The following C2CD5 variants were observed in gnomAD, a reference collection of about 807,000 sequenced individuals.
The protein encoded by C2CD5 is C2 calcium dependent domain containing 5, also known as C2 domain-containing protein 5.
In C2CD5, 109 loss-of-function variants were observed where a neutral mutation model predicts 130.3. The ratio of observed to expected loss-of-function variants is 0.84; its 90% confidence interval spans 0.72 to 0.98. The LOEUF is 0.98. Ranked by LOEUF, C2CD5 falls within the 50% of genes least tolerant of loss-of-function variation. The pLI, the probability that C2CD5 is intolerant of heterozygous loss-of-function variation, is 0.00. For missense variants in C2CD5, 996 were observed against 1,261.8 expected, an observed-to-expected ratio of 0.79 and a Z score of 3.19; for synonymous variants, 454 against 429.2, an observed-to-expected ratio of 1.06 and a Z score of -0.71.
intron 8 of C2CD5, among the ~76,000 whole-genome samples, chr12:22,516,602 G>C (rs1367991262): frequency 6.7e-6 from 1 of 149,394 alleles, no homozygotes; most frequent in Non-Finnish European, 1.5e-5. Context: ...AAAGACCAAG[G>C]AAATGCTTTC....
intron 15 of C2CD5, 76 bp downstream of exon 15, chr12:22,478,237 T>G (rs1944162724): frequency 8.2e-7 from 1 of 1,225,330 alleles, no homozygotes; most frequent in African/African-American, 1.5e-5. Flanking sequence ...AAATCTTGTG[T>G]CCTCAATAAG....
At chr12:22,472,874 C>T (rs1943261813) in intron 16 of C2CD5, 67 bp from the exon 17 acceptor site, 1 of 905,814 alleles carries the variant, frequency 1.1e-6, no homozygotes, top group Non-Finnish European at 1.8e-6. Flanking sequence ...TTTAAAAGAA[C>T]TATTAATAGA....
intron 10 of C2CD5, among the ~76,000 whole-genome samples, chr12:22,499,132 A>G (rs2136579816): frequency 6.6e-6 from 1 of 152,310 alleles, no homozygotes; most frequent in Non-Finnish European, 1.5e-5. Flanking sequence ...TCCCATCTCA[A>G]CACTCAAATA....
chr12:22,486,925 G>A (rs912851311), intron 12 of C2CD5, among the ~76,000 whole-genome samples: 3 of 152,078 alleles, frequency 2.0e-5, no homozygotes, highest in African/African-American at 7.2e-5. Flanking sequence ...TCTGATTTTT[G>A]ACAAACCTGA....
In C2CD5 at chr12:22,514,280, T is replaced by C. The variant is rs544607820; in HGVS notation, c.953-901A>G. On this transcript the variant is annotated intron_variant, in intron 8 of 26. Transcript: ENST00000446597. ...ACTTAAAAAGGAACTAATTAACTTT[T>C]ACATTTTTAGCTGTTCTTGGATAAG... is the stretch of plus-strand genomic sequence containing the variant. Among the ~76,000 whole-genome samples, 8 of 152,296 alleles carry C rather than the reference T, an allele frequency of 5.3e-5. No homozygotes were observed. The East Asian group carries it at 1.2e-3, about 22-fold the overall frequency.
intron 9 of C2CD5, among the ~76,000 whole-genome samples, chr12:22,507,895 T>C (rs1322815909): frequency 6.6e-6 from 1 of 152,222 alleles, no homozygotes; most frequent in East Asian, 1.9e-4. Flanking sequence ...ATCATATTCA[T>C]ACTATATTAT....
At position 22,472,039 on chromosome 12, in the gene C2CD5, T is replaced by C; in HGVS notation, c.2196A>G (p.Arg732=). ...GATTAGTCAGGTTGAGGCTGCTTAATCTGATTACTCTTACTGAAGTGAACA... is the reference window on the plus strand; with the variant it reads ...GATTAGTCAGGTTGAGGCTGCTTAACCTGATTACTCTTACTGAAGTGAACA... The part of the protein sequence containing the change: ...IQMFTSVRVI[R]LSSLNLTNQA... Residue 732 remains arginine (R), a synonymous_variant, in exon 19 of 27, where the codon AGA becomes AGG. Coordinates refer to ENST00000446597, the MANE Select transcript of C2CD5 (RefSeq NM_001286176.2). The C allele has an allele frequency of 6.3e-7, 1 of 1,592,602 alleles. No individual in the cohort carries two copies. Among genetic ancestry groups the C allele is most frequent in the Non-Finnish European group, 8.6e-7 (1 of 1,164,090 alleles).
chr12:22,523,365 G>GA, intron 7 of C2CD5, 61 bp downstream of exon 7: 1 of 1,349,764 alleles, frequency 7.4e-7, no homozygotes, highest in African/African-American at 1.5e-5. Context: ...CAAATCAAAT[G>GA]AAAAAGCATA....
chr12:22,544,157 G>C lies in C2CD5; in HGVS notation c.-7C>G, dbSNP rs1236619639. On this transcript the variant is annotated 5_prime_UTR_variant, in exon 2 of 27. Transcript: ENST00000446597. ...CCTTCAGCTTCCCTGGCATGGTCTC[G>C]GTTTCGGCCTCTTCTTGGGCTCCTG... The C allele has an allele frequency of 1.9e-6, 3 of 1,613,802 alleles. No homozygotes were observed. The highest frequency in any genetic ancestry group is 2.5e-6 in the Non-Finnish European group (3 of 1,179,836).
chr12:22,450,872 G>A (rs965393570), intron 26 of C2CD5, among the ~76,000 whole-genome samples: 5 of 152,022 alleles, frequency 3.3e-5, no homozygotes, highest in African/African-American at 1.2e-4. Flanking sequence ...AGTGTTATGT[G>A]GTTGTAACAA....
chr12:22,490,813 A>G (rs1946244482), intron 11 of C2CD5, among the ~76,000 whole-genome samples: 2 of 152,162 alleles, frequency 1.3e-5, no homozygotes, highest in South Asian at 2.1e-4. Flanking sequence ...GAAAGCTAAA[A>G]AATTAAACAA....
chr12:22,516,591 GA>G (rs1165632568), intron 8 of C2CD5, among the ~76,000 whole-genome samples: 1 of 149,642 alleles, frequency 6.7e-6, no homozygotes, highest in Non-Finnish European at 1.5e-5. Flanking sequence ...ACAAGAAACA[GA>G]AAGACCAAGG....
chr12:22,502,836 T>C (rs781175322), intron 10 of C2CD5: 1 of 1,287,474 alleles, frequency 7.8e-7, no homozygotes, highest in South Asian at 1.3e-5. Context: ...AGTAGATCAG[T>C]TTTAGGTGCA....
chr12:22,466,479 T>A (rs1252263369), intron 22 of C2CD5, among the ~76,000 whole-genome samples: 1 of 152,172 alleles, frequency 6.6e-6, no homozygotes, highest in African/African-American at 2.4e-5. Context: ...TCTTCCTATT[T>A]CCGCTAAATT....
chr12:22,509,621 C>T (rs561919900), intron 9 of C2CD5, among the ~76,000 whole-genome samples: 1 of 152,350 alleles, frequency 6.6e-6, no homozygotes, highest in South Asian at 2.1e-4. Context: ...AGAAGAGCTA[C>T]TGCTGAAATC....
chr12:22,515,196 T>C, intron 8 of C2CD5: 6 of 885,994 alleles, frequency 6.8e-6, no homozygotes, highest in Non-Finnish European at 8.1e-6. Context: ...CAGAAGATGA[T>C]CAGAAAATGC....
intron 2 of C2CD5, among the ~76,000 whole-genome samples, chr12:22,537,449 T>C (rs1444757542): frequency 1.3e-5 from 2 of 152,124 alleles, no homozygotes; most frequent in Non-Finnish European, 2.9e-5. Flanking sequence ...GGAGTGTGTA[T>C]TTTGCCAACA....
At chr12:22,536,095 A>C (rs938362541) in intron 2 of C2CD5, among the ~76,000 whole-genome samples, 2 of 151,988 alleles carry the variant, frequency 1.3e-5, no homozygotes, top group African/African-American at 4.8e-5. Flanking sequence ...GTAAGGAACA[A>C]CTTCCAAGAT....
intron 26 of C2CD5, 74 bp from the exon 27 acceptor site, chr12:22,449,965 T>C: frequency 8.2e-7 from 1 of 1,225,814 alleles, no homozygotes; most frequent in Non-Finnish European, 1.1e-6. Flanking sequence ...TAAGGGGCAG[T>C]GCTGTACAGC....
Sources: gnomAD v4.1 joint callset for allele counts (sites outside exome capture counted in the v4.1 genomes callset) on GRCh38, gnomAD v4.1.1 for gene constraint, MANE v1.5 for transcripts, NCBI Gene and HGNC (gene_info 2026-07-23, HGNC 2026-07-21) for gene names.